PLCL2: variants seen among roughly 807,000 people sequenced by gnomAD.
PLCL2 encodes phospholipase C like 2.
Under a neutral mutation model 79.6 loss-of-function variants are expected in PLCL2, and 4 were observed. The observed-to-expected ratio is 0.05, with a 90% confidence interval of 0.02 to 0.11. The LOEUF is 0.11. Ranked by LOEUF, PLCL2 falls within the 10% of genes least tolerant of loss-of-function variation. The probability of loss-of-function intolerance (pLI) is 1.00; values close to 1 mark genes in which losing one functional copy is unlikely to be tolerated. For synonymous variants in PLCL2, 484 were observed against 457.7 expected, an observed-to-expected ratio of 1.06 and a Z score of -0.73; for missense variants, 895 against 1,291.0, an observed-to-expected ratio of 0.69 and a Z score of 4.70.
chr3:17,013,067 G>A (rs1299013834), intron 2 of PLCL2, among the ~76,000 whole-genome samples: 1 of 152,114 alleles, frequency 6.6e-6, no homozygotes, highest in Non-Finnish European at 1.5e-5. Flanking sequence ...CCCACAATAA[G>A]GAAATTTGTT....
At chr3:16,973,981 T>C (rs2063899046) in intron 1 of PLCL2, among the ~76,000 whole-genome samples, 1 of 152,170 alleles carries the variant, frequency 6.6e-6, no homozygotes, top group African/African-American at 2.4e-5. Context: ...TGACAATTGT[T>C]CTGAAATCTG....
chr3:17,056,787 G>A (rs905978331), intron 4 of PLCL2, among the ~76,000 whole-genome samples: 3 of 152,166 alleles, frequency 2.0e-5, no homozygotes, highest in African/African-American at 4.8e-5. Flanking sequence ...ACACAACCAA[G>A]TGAGTGGTAT....
chr3:16,997,807 G>C (rs145144342), intron 1 of PLCL2, among the ~76,000 whole-genome samples: 1 of 151,790 alleles, frequency 6.6e-6, no homozygotes, highest in South Asian at 2.1e-4. Context: ...CAAAGTGCTG[G>C]GATTACAGGC....
At chr3:16,890,841 A>G (rs1176027336) in intron 1 of PLCL2, among the ~76,000 whole-genome samples, 4 of 152,238 alleles carry the variant, frequency 2.6e-5, no homozygotes, top group African/African-American at 9.6e-5. Flanking sequence ...AGAGCCAGCC[A>G]CTATTCTTTG....
At chr3:17,001,544 A>G (rs1305875056) in intron 1 of PLCL2, among the ~76,000 whole-genome samples, 1 of 152,138 alleles carries the variant, frequency 6.6e-6, no homozygotes, top group Admixed American at 6.6e-5. Context: ...GGTAAGAGAT[A>G]GGGATCTAGT....
chr3:16,952,513 TTAAA>T (rs2063664424), intron 1 of PLCL2, among the ~76,000 whole-genome samples: 4 of 151,802 alleles, frequency 2.6e-5, no homozygotes, highest in Non-Finnish European at 5.9e-5. Flanking sequence ...TGTCTAGTGG[TTAAA>T]TAAATGAATA....
chr3:17,081,796 G>C (rs2065164882), intron 5 of PLCL2, among the ~76,000 whole-genome samples: 1 of 152,206 alleles, frequency 6.6e-6, no homozygotes, highest in Admixed American at 6.5e-5. Context: ...CGCAGCAAGA[G>C]CTGCTGGGAT....
At chr3:16,951,434 G>T (rs1239445603) in intron 1 of PLCL2, among the ~76,000 whole-genome samples, 1 of 151,750 alleles carries the variant, frequency 6.6e-6, no homozygotes, top group East Asian at 1.9e-4. Context: ...CCAAATATTT[G>T]ACTGGCTTAG....
At chr3:16,943,489 CATT>C (rs1327471508) in intron 1 of PLCL2, among the ~76,000 whole-genome samples, 1 of 152,092 alleles carries the variant, frequency 6.6e-6, no homozygotes, top group African/African-American at 2.4e-5. Flanking sequence ...TTGGCAATAA[CATT>C]ATTATTTTTC....
chr3:16,931,981 T>C (rs917391828), intron 1 of PLCL2, among the ~76,000 whole-genome samples: 2 of 152,140 alleles, frequency 1.3e-5, no homozygotes, highest in Non-Finnish European at 2.9e-5. Context: ...TAGCTCACTG[T>C]CTTTCTGCCA....
intron 1 of PLCL2, among the ~76,000 whole-genome samples, chr3:16,945,445 C>T (rs1419074685): frequency 6.6e-6 from 1 of 152,128 alleles, no homozygotes; most frequent in Non-Finnish European, 1.5e-5. Flanking sequence ...TCCACAGCAC[C>T]TAGAACATTG....
chr3:17,033,850 G>A (rs1319340661), intron 3 of PLCL2, among the ~76,000 whole-genome samples: 4 of 152,140 alleles, frequency 2.6e-5, no homozygotes, highest in Non-Finnish European at 5.9e-5. Context: ...ATGCAGAACT[G>A]TGATATTGTT....
At chr3:17,005,019 C>A (rs1260653849) in intron 1 of PLCL2, among the ~76,000 whole-genome samples, 2 of 152,118 alleles carry the variant, frequency 1.3e-5, no homozygotes, top group Non-Finnish European at 2.9e-5. Context: ...TAGCCCCACA[C>A]CAGAATGACT....
At chr3:17,044,669 T>C (rs1040605489) in intron 4 of PLCL2, among the ~76,000 whole-genome samples, 4 of 152,234 alleles carry the variant, frequency 2.6e-5, no homozygotes, top group Admixed American at 1.3e-4. Context: ...AATATGATTT[T>C]ATTTTAATTA....
In PLCL2 at chr3:16,968,196, T is replaced by C. The variant is rs199797931; in HGVS notation, c.328-41478T>C. Among the ~76,000 whole-genome samples, 6 of 152,220 alleles carry C rather than the reference T, an allele frequency of 3.9e-5. No homozygotes were observed. In the East Asian group the frequency reaches 1.2e-3, roughly 29 times the overall value. ...TATAGTTTGAAGTTAGGTAATTTGG[T>C]GTCTCTAGCTTTATATTTTATTTGC... On this transcript the variant is annotated intron_variant, in intron 1 of 5. Coordinates refer to ENST00000615277, the MANE Select transcript of PLCL2 (RefSeq NM_001144382.2).
chr3:16,952,864 A>G (rs1248109368), intron 1 of PLCL2, among the ~76,000 whole-genome samples: 1 of 152,120 alleles, frequency 6.6e-6, no homozygotes, highest in Admixed American at 6.6e-5. Flanking sequence ...CAAAATTGCA[A>G]CTTACCGAGG....
At position 17,089,842 on chromosome 3, in the gene PLCL2, C is replaced by T. The variant is rs1385184376; in HGVS notation, c.3314C>T (p.Ala1105Val). ...CTGAATAAACCAGGCACCGAAAATG[C>T]TGATGTCCAGAAGCCACGCCGGAGC... is the stretch of plus-strand genomic sequence containing the variant. ...CGLNKPGTEN[A>V]DVQKPRRSLE... Residue 1105 changes from alanine (A) to valine (V), a missense_variant, in exon 6 of 6, where the codon GCT becomes GTT. By Grantham distance (64) the Ala-to-Val change is moderately conservative. Transcript: ENST00000615277. 1.9e-6 allele frequency: 3 copies of T among 1,614,026 alleles called. No homozygotes were observed. The South Asian group carries it at 3.3e-5, about 18-fold the overall frequency.
At chr3:16,985,132 C>T (rs973620217) in intron 1 of PLCL2, among the ~76,000 whole-genome samples, 2 of 152,132 alleles carry the variant, frequency 1.3e-5, no homozygotes, top group African/African-American at 4.8e-5. Flanking sequence ...TATGTAGTAG[C>T]TTGACCTGTA....
At position 16,985,166 on chromosome 3, in the gene PLCL2, A is replaced by G. The variant is rs551567059; in HGVS notation, c.328-24508A>G. ...TATGTTTTAGTTATTTTAGGGCTCA[A>G]GAGGCCCTGGGAAGCATTCTCTGAA... On this transcript the variant is annotated intron_variant, in intron 1 of 5. Transcript: ENST00000615277. Among the ~76,000 whole-genome samples the G allele has an allele frequency of 6.7e-4, 102 of 152,228 alleles. 1 individual carries two copies. Among genetic ancestry groups the G allele is most frequent in the African/African-American group, 2.3e-3 (94 of 41,490 alleles).
Sources: allele counts gnomAD v4.1 joint callset (sites outside exome capture counted in the v4.1 genomes callset), GRCh38; gene constraint gnomAD v4.1.1; transcripts MANE v1.5; gene names NCBI Gene and HGNC (gene_info 2026-07-23, HGNC 2026-07-21).